Variants in DLGAP2 observed in about 807,000 individuals in gnomAD.
DLGAP2 encodes DLG associated protein 2.
A neutral mutation model predicts 100.3 loss-of-function variants in DLGAP2; 26 were observed. That is an observed-to-expected ratio of 0.26 (90% CI 0.19 to 0.36). The LOEUF (loss-of-function observed/expected upper bound fraction) is 0.36, where lower values mean the gene tolerates loss of function less well. Ranked by LOEUF, DLGAP2 falls within the 10% of genes least tolerant of loss-of-function variation. The pLI is 1.00. For synonymous variants in DLGAP2, 886 were observed against 630.1 expected (o/e 1.41, Z -6.08); for missense variants, 1,858 against 1,453.2 (o/e 1.28, Z -4.53).
intron 2 of DLGAP2, among the ~76,000 whole-genome samples, chr8:919,943 C>T (rs1798673902): frequency 6.6e-6 from 1 of 152,216 alleles, no homozygotes; most frequent in African/African-American, 2.4e-5. Context: ...ATGTCTATAA[C>T]TAGCATTGGG....
chr8:868,764 C>T (rs1414387182), intron 1 of DLGAP2, among the ~76,000 whole-genome samples: 2 of 152,194 alleles, frequency 1.3e-5, no homozygotes, highest in Non-Finnish European at 2.9e-5. Context: ...AGTGTTCCCT[C>T]TTCAGGTGGA....
rs1451248898 is a variant in DLGAP2 at position 1,134,530 on chromosome 8, G to GTATTA, written c.74-124321_74-124320insTATTA. 6.7e-4 allele frequency among the ~76,000 whole-genome samples: 19 copies of GTATTA among 28,544 alleles called. No individual in the cohort carries two copies. In the East Asian group the frequency reaches 8.2e-3, roughly 12 times the overall value. The allele number at this position is 28,544 out of a possible 152,430, so 18.7% of individuals were successfully genotyped here. On this transcript the variant is annotated intron_variant, in intron 2 of 14. Transcript: ENST00000637795. ...GAGTTTTAGTAATAGCCAGGAATTT[G>GTATTA]CATTAATTAATGATAGAACTTACAT...
chr8:1,616,820 A>C (rs1797169707), intron 6 of DLGAP2, among the ~76,000 whole-genome samples: 1 of 152,028 alleles, frequency 6.6e-6, no homozygotes, highest in South Asian at 2.1e-4. Context: ...TTTGGTGTAC[A>C]GATTATTTCG....
intron 1 of DLGAP2, among the ~76,000 whole-genome samples, chr8:887,090 T>C (rs955578552): frequency 4.6e-5 from 7 of 152,222 alleles, no homozygotes; most frequent in Admixed American, 3.9e-4. Flanking sequence ...AGTTAACTCT[T>C]CTTGTCGAAT....
At chr8:1,539,932 T>C (rs1801302816) in intron 4 of DLGAP2, among the ~76,000 whole-genome samples, 1 of 152,078 alleles carries the variant, frequency 6.6e-6, no homozygotes, top group African/African-American at 2.4e-5. Context: ...CCCTCAAGCA[T>C]CAGTGGCTTC....
intron 2 of DLGAP2, among the ~76,000 whole-genome samples, chr8:1,218,991 A>G (rs993211043): frequency 6.6e-5 from 10 of 152,100 alleles, no homozygotes; most frequent in African/African-American, 2.2e-4. Context: ...CTGAGACTTT[A>G]CTGAAGTTTA....
At chr8:967,250 G>A (rs1799894391) in intron 2 of DLGAP2, among the ~76,000 whole-genome samples, 1 of 152,180 alleles carries the variant, frequency 6.6e-6, no homozygotes, top group South Asian at 2.1e-4. Context: ...CCCCATGTTA[G>A]TTTTTCCTAA....
chr8:1,051,737 A>G (rs369474316), intron 2 of DLGAP2, among the ~76,000 whole-genome samples: 1 of 152,038 alleles, frequency 6.6e-6, no homozygotes, highest in East Asian at 1.9e-4. Flanking sequence ...CGCTCAGCAC[A>G]GTGGCTGTAT....
At chr8:1,691,256 G>A (rs1799253751) in intron 12 of DLGAP2, among the ~76,000 whole-genome samples, 1 of 152,058 alleles carries the variant, frequency 6.6e-6, no homozygotes, top group African/African-American at 2.4e-5. Context: ...CCAAAATAAG[G>A]AAAACTCCCT....
At chr8:1,313,570 C>A (rs1347409195) in intron 3 of DLGAP2, among the ~76,000 whole-genome samples, 1 of 152,130 alleles carries the variant, frequency 6.6e-6, no homozygotes, top group African/African-American at 2.4e-5. Flanking sequence ...AAGGTTTTTC[C>A]TGTGGAACAC....
At chr8:1,695,678 G>A (rs1246741506) in intron 13 of DLGAP2, among the ~76,000 whole-genome samples, 1 of 152,246 alleles carries the variant, frequency 6.6e-6, no homozygotes, top group Non-Finnish European at 1.5e-5. Flanking sequence ...TACAGAAAGA[G>A]GGGATGTTCT....
At chr8:1,507,126 G>A (rs1273513484) in intron 4 of DLGAP2, among the ~76,000 whole-genome samples, 7 of 152,230 alleles carry the variant, frequency 4.6e-5, no homozygotes, top group Non-Finnish European at 8.8e-5. Flanking sequence ...CTGCGCTGGG[G>A]CCACGGGCAG....
intron 3 of DLGAP2, among the ~76,000 whole-genome samples, chr8:1,346,939 C>T (rs954875223): frequency 2.0e-5 from 3 of 151,476 alleles, no homozygotes; most frequent in Non-Finnish European, 4.4e-5. Context: ...CTGCATTGCT[C>T]TCATGGTAGC....
intron 1 of DLGAP2, among the ~76,000 whole-genome samples, chr8:768,093 G>A (rs1821260253): frequency 6.6e-6 from 1 of 152,164 alleles, no homozygotes; most frequent in African/African-American, 2.4e-5. Flanking sequence ...GGCTTTGGGA[G>A]TGTAATCAGA....
At chr8:1,177,950 C>T (rs772800573) in intron 2 of DLGAP2, among the ~76,000 whole-genome samples, 1 of 152,226 alleles carries the variant, frequency 6.6e-6, no homozygotes, top group Non-Finnish European at 1.5e-5. Flanking sequence ...CAGCTGAGGC[C>T]TCAGTGATCG....
intron 1 of DLGAP2, among the ~76,000 whole-genome samples, chr8:857,318 A>T (rs1797297387): frequency 6.6e-6 from 1 of 152,254 alleles, no homozygotes; most frequent in Non-Finnish European, 1.5e-5. Flanking sequence ...TGCATGATGC[A>T]TGAGAAAAAT....
At chr8:1,228,014 A>T (rs1345444765) in intron 2 of DLGAP2, among the ~76,000 whole-genome samples, 2 of 152,008 alleles carry the variant, frequency 1.3e-5, no homozygotes, top group Non-Finnish European at 2.9e-5. Flanking sequence ...CATGTTATAT[A>T]CCTTAAATAT....
intron 2 of DLGAP2, among the ~76,000 whole-genome samples, chr8:979,111 A>C (rs1563125483): frequency 1.3e-5 from 2 of 152,064 alleles, no homozygotes; most frequent in Non-Finnish European, 2.9e-5. Flanking sequence ...GGGGTGGGGG[A>C]TGGCGAGTGC....
chr8:1,441,684 A>C (rs1221749283), intron 3 of DLGAP2, among the ~76,000 whole-genome samples: 1 of 100,114 alleles, frequency 1.0e-5, no homozygotes, highest in Non-Finnish European at 1.8e-5. Flanking sequence ...ACTCCATCTC[A>C]AAAAAAAAAA....
Sources: allele counts gnomAD v4.1 joint callset (sites outside exome capture counted in the v4.1 genomes callset), GRCh38; gene constraint gnomAD v4.1.1; transcripts MANE v1.5; gene names NCBI Gene and HGNC (gene_info 2026-07-23, HGNC 2026-07-21).